RNF11: variants seen among roughly 807,000 people sequenced by gnomAD.
The protein encoded by RNF11 is ring finger protein 11.
A neutral mutation model predicts 15.8 loss-of-function variants in RNF11; 4 were observed. The observed-to-expected ratio is 0.25, with a 90% CI of 0.12 to 0.58. RNF11 has a LOEUF of 0.58. Among genes scored for constraint, RNF11 ranks in the 20% least tolerant of loss-of-function variants. The pLI, the probability that RNF11 is intolerant of heterozygous loss-of-function variation, is 0.91. For synonymous variants in RNF11, 68 were observed against 72.3 expected (o/e 0.94, Z 0.30); for missense variants, 139 against 194.4 (o/e 0.71, Z 1.70).
At chr1:51,241,092 C>G (rs1445440942) in intron 1 of RNF11, among the ~76,000 whole-genome samples, 6 of 152,188 alleles carry the variant, frequency 3.9e-5, no homozygotes, top group African/African-American at 1.4e-4. Flanking sequence ...GCTGGGATTA[C>G]AGGCGTAAGC....
intron 1 of RNF11, chr1:51,251,582 A>T: frequency 1.8e-6 from 1 of 547,686 alleles, no homozygotes; most frequent in Non-Finnish European, 3.2e-6. Flanking sequence ...GATGCATAAA[A>T]TATGTAAATA....
At chr1:51,267,888 G>A (rs1646961952) in intron 1 of RNF11, among the ~76,000 whole-genome samples, 1 of 152,104 alleles carries the variant, frequency 6.6e-6, no homozygotes, top group Non-Finnish European at 1.5e-5. Flanking sequence ...GCACCACCAC[G>A]CCCAGCTAAT....
chr1:51,266,625 G>T (rs1486791699), intron 1 of RNF11, among the ~76,000 whole-genome samples: 1 of 151,928 alleles, frequency 6.6e-6, no homozygotes, highest in Non-Finnish European at 1.5e-5. Context: ...ACCACTTCTG[G>T]CTAATTTTTG....
intron 1 of RNF11, among the ~76,000 whole-genome samples, chr1:51,258,000 C>T (rs1008819554): frequency 6.7e-6 from 1 of 149,758 alleles, no homozygotes; most frequent in Admixed American, 6.7e-5. Flanking sequence ...ATTATAGGCA[C>T]CCACCACCAT....
chr1:51,259,339 CTTAA>C (rs1646919545), intron 1 of RNF11, among the ~76,000 whole-genome samples: 1 of 152,250 alleles, frequency 6.6e-6, no homozygotes, highest in South Asian at 2.1e-4. Context: ...CAGTTAGGTC[CTTAA>C]TTAAGTTTGT....
At chr1:51,265,396 A>G (rs187752680) in intron 1 of RNF11, among the ~76,000 whole-genome samples, 269 of 150,842 alleles carry the variant, frequency 1.8e-3, no homozygotes, top group African/African-American at 6.4e-3. Context: ...TTCCATTTCT[A>G]TTCTACCCCC....
chr1:51,255,083 T>G (rs1286355066), intron 1 of RNF11, among the ~76,000 whole-genome samples: 1 of 152,154 alleles, frequency 6.6e-6, no homozygotes, highest in Non-Finnish European at 1.5e-5. Flanking sequence ...ACATACATTA[T>G]TTTATTTAAT....
intron 2 of RNF11, among the ~76,000 whole-genome samples, chr1:51,270,840 T>C (rs1024176005): frequency 9.9e-5 from 15 of 152,252 alleles, no homozygotes; most frequent in African/African-American, 3.6e-4. Flanking sequence ...AATCCCATTC[T>C]CCTTCAGGTA....
At chr1:51,251,471 AT>A in intron 1 of RNF11, 1 of 625,820 alleles carries the variant, frequency 1.6e-6, no homozygotes, top group African/African-American at 1.9e-5. Flanking sequence ...GTCATCCACC[AT>A]TTGGTGTTTT....
chr1:51,236,584 G>A lies in RNF11; in HGVS notation c.-173G>A. ...GGCCCAGCCTTGATCCCCCAACCCC[G>A]GGGGCTGGCATGAGCGGCCCCTCGG... On this transcript the variant is annotated 5_prime_UTR_variant, in exon 1 of 3. Transcript: ENST00000242719. The A allele has an allele frequency of 2.0e-6, 1 of 496,320 alleles. No individual in the cohort carries two copies. Among genetic ancestry groups the A allele is most frequent in the Non-Finnish European group, 3.0e-6 (1 of 334,300 alleles). The allele number at this position is 496,320 out of a possible 1,614,324, so 30.7% of individuals were successfully genotyped here.
chr1:51,244,019 C>T (rs564447819), intron 1 of RNF11, among the ~76,000 whole-genome samples: 3 of 152,194 alleles, frequency 2.0e-5, no homozygotes, highest in Non-Finnish European at 4.4e-5. Flanking sequence ...CAAGAATCCA[C>T]GAATTCTGAT....
chr1:51,261,929 A>G (rs1348636809), intron 1 of RNF11, among the ~76,000 whole-genome samples: 2 of 151,998 alleles, frequency 1.3e-5, no homozygotes, highest in African/African-American at 4.8e-5. Flanking sequence ...GTCTCGGCTC[A>G]CTGCAACCTC....
At chr1:51,269,876 C>T in intron 1 of RNF11, 80 bp from the exon 2 acceptor site, 3 of 1,242,860 alleles carry the variant, frequency 2.4e-6, no homozygotes, top group South Asian at 2.7e-5. Context: ...GCTCCCTTTC[C>T]CTTCTATCTC....
At chr1:51,243,077 GT>G (rs571018119) in intron 1 of RNF11, among the ~76,000 whole-genome samples, 30 of 152,068 alleles carry the variant, frequency 2.0e-4, no homozygotes, top group Non-Finnish European at 2.9e-4. Flanking sequence ...GTCATGTACA[GT>G]TTTTTTGTGT....
At chr1:51,269,769 T>C in intron 1 of RNF11, 187 bp from the exon 2 acceptor site, 1 of 597,318 alleles carries the variant, frequency 1.7e-6, no homozygotes, top group Non-Finnish European at 3.0e-6. Context: ...TGAGAATGTT[T>C]TGGTGTGTGT....
intron 1 of RNF11, among the ~76,000 whole-genome samples, chr1:51,252,805 T>TTGTGTGTG (rs145075866): frequency 0.024 from 3,491 of 143,990 alleles, 57 homozygotes; most frequent in East Asian, 0.089. Context: ...TTTGTCCAGT[T>TTGTGTGTG]TGTGTGTGTG....
chr1:51,261,341 CA>C (rs901096904), intron 1 of RNF11, among the ~76,000 whole-genome samples: 70 of 141,984 alleles, frequency 4.9e-4, no homozygotes, highest in South Asian at 8.9e-4. Flanking sequence ...GTTTCCATGG[CA>C]AAAAAAAAAA....
chr1:51,266,351 A>G (rs1231349481), intron 1 of RNF11, among the ~76,000 whole-genome samples: 5 of 151,714 alleles, frequency 3.3e-5, no homozygotes, highest in Middle Eastern at 3.5e-3. Context: ...ATTTATATCA[A>G]GTTTTCCTTT....
chr1:51,267,705 G>C (rs976998890), intron 1 of RNF11, among the ~76,000 whole-genome samples: 3 of 152,216 alleles, frequency 2.0e-5, no homozygotes, highest in Non-Finnish European at 4.4e-5. Flanking sequence ...CGCAGATAGG[G>C]AATGGTGGGA....
Sources: allele counts gnomAD v4.1 joint callset (sites outside exome capture counted in the v4.1 genomes callset), GRCh38; gene constraint gnomAD v4.1.1; transcripts MANE v1.5; gene names NCBI Gene and HGNC (gene_info 2026-07-23, HGNC 2026-07-21).